Variants in UBN1 observed in about 807,000 individuals in gnomAD.
The protein encoded by UBN1 is ubinuclein 1.
In UBN1, 17 loss-of-function variants were observed where a neutral mutation model predicts 108.5. The observed-to-expected ratio is 0.16, with a 90% confidence interval of 0.11 to 0.24. The LOEUF is 0.24. Among genes scored for constraint, UBN1 ranks in the 10% least tolerant of loss-of-function variants. The pLI is 1.00. For synonymous variants in UBN1, 726 were observed against 564.2 expected, an observed-to-expected ratio of 1.29 and a Z score of -4.07; for missense variants, 1,595 against 1,394.4, an observed-to-expected ratio of 1.14 and a Z score of -2.29.
chr16:4,853,701 A>G (rs1000079466), intron 2 of UBN1, among the ~76,000 whole-genome samples: 1 of 151,510 alleles, frequency 6.6e-6, no homozygotes, highest in Non-Finnish European at 1.5e-5. Flanking sequence ...GGGACTGACT[A>G]CAGGTGCACG....
At chr16:4,859,780 C>CG (rs1227174504) in intron 5 of UBN1, 85 bp from the exon 6 acceptor site, 1 of 1,576,066 alleles carries the variant, frequency 6.3e-7, no homozygotes, top group African/African-American at 1.4e-5. Context: ...GGATGTGCCC[C>CG]GGGCGGAGCA....
intron 7 of UBN1, among the ~76,000 whole-genome samples, chr16:4,862,086 A>G (rs1302807365): frequency 6.6e-6 from 1 of 152,258 alleles, no homozygotes; most frequent in East Asian, 1.9e-4. Flanking sequence ...TGGTTGTAAT[A>G]TCATTTACCT....
At chr16:4,854,099 T>C (rs1054812762) in intron 2 of UBN1, among the ~76,000 whole-genome samples, 1 of 152,042 alleles carries the variant, frequency 6.6e-6, no homozygotes, top group Non-Finnish European at 1.5e-5. Flanking sequence ...AGTGGCACCA[T>C]CTTGTCTCAG....
chr16:4,862,971 G>T (rs2087140640), intron 7 of UBN1, among the ~76,000 whole-genome samples: 1 of 152,228 alleles, frequency 6.6e-6, no homozygotes, highest in Non-Finnish European at 1.5e-5. Flanking sequence ...TGATGTTCTG[G>T]TTGGAAAATA....
At position 4,881,623 on chromosome 16, in the gene UBN1, G is replaced by C. The variant is rs1329990303; in HGVS notation, c.*1491G>C. ...CATTCAGAGGTTTGCTGGCCTTCCC[G>C]GTTTCCCAAGGAGCAAGACCTCTGT... On this transcript the variant is annotated 3_prime_UTR_variant, in exon 18 of 18. Coordinates refer to ENST00000262376, the MANE Select transcript of UBN1 (RefSeq NM_001079514.3). The C allele has an allele frequency of 6.6e-6, 1 of 152,218 alleles. No individual in the cohort carries two copies. Among genetic ancestry groups the C allele is most frequent in the Non-Finnish European group, 1.5e-5 (1 of 68,012 alleles). 9.4% of individuals were successfully genotyped at this position (152,218 alleles called of 1,614,324 possible).
rs1466960030 is a variant in UBN1, at chr16:4,853,044, G to T, written c.127G>T (p.Ala43Ser). 1 of 1,614,226 alleles carries T rather than the reference G, an allele frequency of 6.2e-7. No homozygotes were observed. The highest frequency in any genetic ancestry group is 8.5e-7 in the Non-Finnish European group (1 of 1,180,032). Residue 43 changes from alanine to serine, a missense_variant, in exon 2 of 18, where the codon GCA becomes TCA. Around this residue, in one of 3 missense-constraint regions of UBN1, gnomAD observed 181 missense variants for 157.3 expected, o/e 1.15. Transcript: ENST00000262376. ...EQHQDCEPAA[A>S]AVRITLTLFE... ...GCATCAGGACTGTGAGCCGGCTGCAGCAGCTGTTCGGATTACACTCACCCT... is the reference window on the plus strand; with the variant it reads ...GCATCAGGACTGTGAGCCGGCTGCATCAGCTGTTCGGATTACACTCACCCT...
chr16:4,875,407 T>C lies in UBN1; in HGVS notation c.2997T>C (p.Ser999=). Residue 999 remains serine, a synonymous_variant, in exon 15 of 18, where the codon AGT becomes AGC. Coordinates refer to ENST00000262376, the MANE Select transcript of UBN1 (RefSeq NM_001079514.3). ...TSPSLKPSAV[S]SVTSSTSLSK... ...CGTCCCTAAAGCCCTCTGCAGTTAG[T>C]AGTGTGACATCGTCTACCTCCTTGT... 6.2e-7 allele frequency: 1 copy of C among 1,612,844 alleles called. No homozygotes were observed. The highest frequency in any genetic ancestry group is 1.1e-5 in the South Asian group (1 of 91,048).
In UBN1 at chr16:4,857,791, A is replaced by C. The variant is rs966063; in HGVS notation, c.250-199A>C. Among the ~76,000 whole-genome samples the C allele has an allele frequency of 1.4e-3, 217 of 152,324 alleles. 2 individuals carry two copies. Among genetic ancestry groups the C allele is most frequent in the African/African-American group, 5.1e-3 (212 of 41,572 alleles). On this transcript the variant is annotated intron_variant, in intron 2 of 17. Coordinates refer to ENST00000262376, the MANE Select transcript of UBN1 (RefSeq NM_001079514.3). Reference sequence around the variant, plus strand: ...GTGGATGATTGTAGGCATTCAATCAAGTTTTATTAACCTACATTAAGGGAA... The same window carrying C: ...GTGGATGATTGTAGGCATTCAATCACGTTTTATTAACCTACATTAAGGGAA...
intron 7 of UBN1, among the ~76,000 whole-genome samples, chr16:4,864,058 TTTG>T (rs145072888): frequency 2.0e-5 from 3 of 149,268 alleles, no homozygotes; most frequent in South Asian, 2.1e-4. Flanking sequence ...GTGATCCTGG[TTTG>T]TTGTTGTTGT....
intron 2 of UBN1, among the ~76,000 whole-genome samples, chr16:4,857,199 A>T (rs1450788978): frequency 6.6e-6 from 1 of 151,656 alleles, no homozygotes; most frequent in African/African-American, 2.4e-5. Flanking sequence ...AAAAAAAAAA[A>T]TTTAGCTAGG....
rs2142172801 is a variant in UBN1, at chr16:4,860,990, A to G, written c.998A>G (p.Asp333Gly). The change falls in exon 7 of 18, where the codon GAT (aspartate) becomes GGT (glycine). Residue 333 changes from aspartate (D) to glycine (G), a missense_variant. Asp to Gly is a moderately conservative substitution (Grantham distance 94, BLOSUM62 -1). This residue lies in a region of UBN1 where 1,398 missense variants were observed against 1,194.7 expected (regional missense o/e 1.17). Transcript: ENST00000262376. ...SPEGSPFRDM[D>G]DGSDSLGVGL... The stretch of plus-strand genomic sequence containing the variant: ...GAAGGAAGTCCCTTCCGAGATATGG[A>G]TGATGGAAGTGATTCCCTTGGGGTG... 6.2e-7 allele frequency: 1 copy of G among 1,614,234 alleles called. No individual in the cohort carries two copies.
At chr16:4,861,209 A>G in intron 7 of UBN1, 107 bp downstream of exon 7, 1 of 1,272,740 alleles carries the variant, frequency 7.9e-7, no homozygotes, top group Non-Finnish European at 1.1e-6. Context: ...GTGAGTTGGC[A>G]GTTAAGGTGT....
At chr16:4,848,625 C>G (rs964127738) in intron 1 of UBN1, among the ~76,000 whole-genome samples, 1 of 152,184 alleles carries the variant, frequency 6.6e-6, no homozygotes, top group African/African-American at 2.4e-5. Context: ...ATCAGTTTCC[C>G]TGAAGTACCA....
intron 12 of UBN1, chr16:4,872,282 C>A: frequency 5.1e-6 from 5 of 985,260 alleles, no homozygotes; most frequent in Non-Finnish European, 6.0e-6. Flanking sequence ...AGGGACTAGG[C>A]AATAAGGAAA....
Position 4,860,787 on chromosome 16 carries a change from G to A in UBN1, c.795G>A (p.Glu265=), listed in dbSNP as rs2087022385. The part of the protein sequence containing the change: ...EKEAQKKREE[E]HKPVAVPSAE... ...AGGCTCAGAAAAAAAGGGAGGAGGAGCATAAGCCTGTTGCGGTCCCATCAG... is the reference window on the plus strand; with the variant it reads ...AGGCTCAGAAAAAAAGGGAGGAGGAACATAAGCCTGTTGCGGTCCCATCAG... Residue 265 remains glutamate, a synonymous_variant, in exon 7 of 18, where the codon GAG becomes GAA. Coordinates refer to ENST00000262376, the MANE Select transcript of UBN1 (RefSeq NM_001079514.3). 1.2e-6 allele frequency: 2 copies of A among 1,614,284 alleles called. No individual in the cohort carries two copies. Among genetic ancestry groups the A allele is most frequent in the East Asian group, 4.5e-5 (2 of 44,890 alleles).
chr16:4,851,703 T>G (rs1331511774), intron 1 of UBN1, among the ~76,000 whole-genome samples: 1 of 151,980 alleles, frequency 6.6e-6, no homozygotes, highest in African/African-American at 2.4e-5. Flanking sequence ...ACCTGTAGTC[T>G]CAGCTCCTCG....
chr16:4,877,801 A>T lies in UBN1; in HGVS notation c.3355+327A>T. On this transcript the variant is annotated intron_variant, in intron 17 of 17. Coordinates refer to ENST00000262376, the MANE Select transcript of UBN1 (RefSeq NM_001079514.3). The surrounding 1 kb of genome is among the most constrained non-coding windows in gnomAD (Gnocchi z 4.3). Reference sequence around the variant, plus strand: ...GCTTGTTTTTTTCTCTTCAGTTTAAAAAAAAAAAAAAAGGGAAGGTAATGG... The same window carrying T: ...GCTTGTTTTTTTCTCTTCAGTTTAATAAAAAAAAAAAAGGGAAGGTAATGG... 1 of 941,788 alleles carries T rather than the reference A, an allele frequency of 1.1e-6. No individual in the cohort carries two copies. The highest frequency in any genetic ancestry group is 1.3e-6 in the Non-Finnish European group (1 of 777,572). The allele number at this position is 941,788 out of a possible 1,614,324, so 58.3% of individuals were successfully genotyped here.
chr16:4,870,102 CAG>C (rs1001030144), intron 8 of UBN1, 108 bp from the exon 9 acceptor site: 20 of 1,512,040 alleles, frequency 1.3e-5, no homozygotes, highest in African/African-American at 2.7e-5. Flanking sequence ...ACCAACAAGA[CAG>C]GGTTTGACTG....
intron 7 of UBN1, among the ~76,000 whole-genome samples, chr16:4,866,594 C>T (rs2087344096): frequency 6.6e-6 from 1 of 152,250 alleles, no homozygotes; most frequent in Admixed American, 6.5e-5. Flanking sequence ...CTTACTGCAA[C>T]CTCCACGCCC....
Sources: gnomAD v4.1 joint callset for allele counts (sites outside exome capture counted in the v4.1 genomes callset) on GRCh38, gnomAD v4.1.1 for gene constraint, gnomAD v4.1.1 regional missense constraint, Gnocchi (gnomAD v3.1) non-coding constraint, MANE v1.5 for transcripts, NCBI Gene and HGNC (gene_info 2026-07-23, HGNC 2026-07-21) for gene names.